IMMP2L: variants seen among roughly 807,000 people sequenced by gnomAD.
The protein encoded by IMMP2L is inner mitochondrial membrane peptidase subunit 2, also known as mitochondrial inner membrane protease subunit 2.
Under a neutral mutation model 19.3 loss-of-function variants are expected in IMMP2L, and 18 were observed. That is an observed-to-expected ratio of 0.93 (90% CI 0.64 to 1.38). The LOEUF (loss-of-function observed/expected upper bound fraction) is 1.38. Ranked by LOEUF, IMMP2L falls within the 40% of genes most tolerant of loss-of-function variation. The pLI, the probability that IMMP2L is intolerant of heterozygous loss-of-function variation, is 0.00. For synonymous variants in IMMP2L, 76 were observed against 73.0 expected, an observed-to-expected ratio of 1.04 and a Z score of -0.21; for missense variants, 233 against 218.2, an observed-to-expected ratio of 1.07 and a Z score of -0.43.
chr7:111,170,568 C>T (rs1806321341), intron 3 of IMMP2L, among the ~76,000 whole-genome samples: 5 of 151,790 alleles, frequency 3.3e-5, no homozygotes, highest in Admixed American at 2.0e-4. Flanking sequence ...TGGAAGTGGA[C>T]TTAGAGAGGT....
At chr7:111,074,863 A>G (rs1250181521) in intron 3 of IMMP2L, among the ~76,000 whole-genome samples, 1 of 152,200 alleles carries the variant, frequency 6.6e-6, no homozygotes, top group Non-Finnish European at 1.5e-5. Context: ...TGCGGAAAAT[A>G]TCAAGAGAAA....
chr7:111,376,198 A>G (rs191684162), intron 3 of IMMP2L, among the ~76,000 whole-genome samples: 39 of 152,228 alleles, frequency 2.6e-4, no homozygotes, highest in African/African-American at 8.9e-4. Flanking sequence ...CAAATATCTA[A>G]ACAAATCTGA....
chr7:111,312,874 T>C lies in IMMP2L; in HGVS notation c.239+174364A>G, dbSNP rs768608518. Among the ~76,000 whole-genome samples the C allele has an allele frequency of 6.6e-5, 10 of 152,182 alleles. No homozygotes were observed. In the East Asian group the frequency reaches 1.2e-3, roughly 18 times the overall value. On this transcript the variant is annotated intron_variant, in intron 3 of 5. Transcript: ENST00000405709. ...TCACTAAAGAAAGCAGAAACTACTA[T>C]AGACATTTCCAGAATAGGAAATTTA...
intron 3 of IMMP2L, among the ~76,000 whole-genome samples, chr7:110,974,014 T>G (rs1312215781): frequency 1.3e-5 from 2 of 152,102 alleles, no homozygotes; most frequent in African/African-American, 4.8e-5. Flanking sequence ...CAGCTGAAGC[T>G]TAATAAGTCT....
intron 3 of IMMP2L, among the ~76,000 whole-genome samples, chr7:110,992,425 T>G (rs2129559778): frequency 6.6e-6 from 1 of 152,116 alleles, no homozygotes; most frequent in Non-Finnish European, 1.5e-5. Context: ...ATGTAGTTCA[T>G]AAATATTAAC....
intron 3 of IMMP2L, among the ~76,000 whole-genome samples, chr7:111,265,808 A>T (rs192806904): frequency 1.1e-4 from 16 of 152,294 alleles, no homozygotes; most frequent in African/African-American, 3.6e-4. Context: ...AAGAGAAAGA[A>T]AACAAGCATT....
intron 3 of IMMP2L, among the ~76,000 whole-genome samples, chr7:111,484,712 T>C (rs1039595586): frequency 1.3e-5 from 2 of 152,174 alleles, no homozygotes; most frequent in Non-Finnish European, 2.9e-5. Context: ...CCAACATCAA[T>C]CTTCTAAAAT....
chr7:110,832,207 G>T (rs954679066), intron 5 of IMMP2L, among the ~76,000 whole-genome samples: 5 of 152,148 alleles, frequency 3.3e-5, no homozygotes, highest in Non-Finnish European at 5.9e-5. Flanking sequence ...GTTGCAGTGA[G>T]CCGAGATTGC....
chr7:111,254,635 T>C (rs1816503339), intron 3 of IMMP2L, among the ~76,000 whole-genome samples: 1 of 152,242 alleles, frequency 6.6e-6, no homozygotes, highest in African/African-American at 2.4e-5. Flanking sequence ...GTCACATATA[T>C]GTGCTTATTT....
At chr7:111,029,749 C>T (rs1284146151) in intron 3 of IMMP2L, among the ~76,000 whole-genome samples, 4 of 152,110 alleles carry the variant, frequency 2.6e-5, no homozygotes, top group Non-Finnish European at 5.9e-5. Flanking sequence ...TCATCATTTT[C>T]CATACCAGCT....
At chr7:111,203,117 T>C (rs1586811794) in intron 3 of IMMP2L, among the ~76,000 whole-genome samples, 1 of 152,156 alleles carries the variant, frequency 6.6e-6, no homozygotes, top group South Asian at 2.1e-4. Flanking sequence ...AAGGGTGATA[T>C]TCAAAGGGAT....
chr7:111,156,002 A>T (rs1371973400), intron 3 of IMMP2L, among the ~76,000 whole-genome samples: 1 of 152,122 alleles, frequency 6.6e-6, no homozygotes. Context: ...TCCAGATTAT[A>T]CCTGTGAGAT....
chr7:111,493,334 T>C (rs545093614), intron 2 of IMMP2L, among the ~76,000 whole-genome samples: 31 of 152,280 alleles, frequency 2.0e-4, no homozygotes, highest in African/African-American at 7.2e-4. Context: ...CCTTCTTGAA[T>C]TGGGAAGTTG....
intron 3 of IMMP2L, among the ~76,000 whole-genome samples, chr7:111,229,347 T>C (rs1243245347): frequency 1.3e-5 from 2 of 152,098 alleles, no homozygotes; most frequent in East Asian, 1.9e-4. Flanking sequence ...TATGTATCCA[T>C]TGATACAATC....
chr7:110,983,229 G>C (rs1563133714), intron 3 of IMMP2L, among the ~76,000 whole-genome samples: 1 of 151,762 alleles, frequency 6.6e-6, no homozygotes, highest in Admixed American at 6.6e-5. Flanking sequence ...AATAATTAAA[G>C]TAAGTAAATT....
At position 110,983,640 on chromosome 7, in the gene IMMP2L, A is replaced by G. The variant is rs149483987; in HGVS notation, c.240-20075T>C. On this transcript the variant is annotated intron_variant, in intron 3 of 5. Coordinates refer to ENST00000405709, the MANE Select transcript of IMMP2L (RefSeq NM_032549.4). ...TACCTGTTTTGCTAAAATTGAAGAA[A>G]GTACTAGGATGTGAAATTCAAAGTA... Among the ~76,000 whole-genome samples, 849 of 152,138 alleles carry G rather than the reference A, an allele frequency of 5.6e-3. 6 individuals are homozygous for G. Among genetic ancestry groups the G allele is most frequent in the Middle Eastern group, 0.024 (7 of 294 alleles).
chr7:111,025,844 GT>G (rs1218790571), intron 3 of IMMP2L, among the ~76,000 whole-genome samples: 1 of 152,120 alleles, frequency 6.6e-6, no homozygotes, highest in Non-Finnish European at 1.5e-5. Flanking sequence ...TTTTAAATCT[GT>G]TTTAACATTG....
At chr7:111,531,326 G>C in intron 1 of IMMP2L, among the ~76,000 whole-genome samples, 1 of 151,004 alleles carries the variant, frequency 6.6e-6, no homozygotes, top group South Asian at 2.1e-4. Context: ...CATCTTCATG[G>C]CTCCAGTATT....
chr7:111,023,342 A>G (rs1292900467), intron 3 of IMMP2L, among the ~76,000 whole-genome samples: 1 of 152,176 alleles, frequency 6.6e-6, no homozygotes, highest in Non-Finnish European at 1.5e-5. Flanking sequence ...TGATCTTGGT[A>G]AACACATAAA....
Sources: gnomAD v4.1 joint callset for allele counts (sites outside exome capture counted in the v4.1 genomes callset) on GRCh38, gnomAD v4.1.1 for gene constraint, MANE v1.5 for transcripts, NCBI Gene and HGNC (gene_info 2026-07-23, HGNC 2026-07-21) for gene names.